Variants in CAMK2A observed in about 807,000 individuals in gnomAD.
CAMK2A encodes the protein calcium/calmodulin-dependent protein kinase type II subunit alpha.
Under a neutral mutation model 79.2 loss-of-function variants are expected in CAMK2A, and 7 were observed. The ratio of observed to expected loss-of-function variants is 0.09; its 90% CI spans 0.05 to 0.17. The LOEUF is 0.17. Among genes scored for constraint, CAMK2A ranks in the 10% least tolerant of loss-of-function variants. The probability of loss-of-function intolerance (pLI) is 1.00; values close to 1 mark genes in which losing one functional copy is unlikely to be tolerated. For missense variants in CAMK2A, 214 were observed against 646.4 expected, an observed-to-expected ratio of 0.33 and a Z score of 7.25; for synonymous variants, 242 against 251.7, an observed-to-expected ratio of 0.96 and a Z score of 0.36.
intron 2 of CAMK2A, among the ~76,000 whole-genome samples, chr5:150,272,396 C>T (rs987286614): frequency 3.9e-5 from 6 of 152,098 alleles, no homozygotes; most frequent in African/African-American, 1.4e-4. Context: ...GAAACCCCAT[C>T]GCTACTAAAA....
intron 1 of CAMK2A, among the ~76,000 whole-genome samples, chr5:150,283,278 T>C (rs1757289889): frequency 6.6e-6 from 1 of 152,160 alleles, no homozygotes; most frequent in Non-Finnish European, 1.5e-5. Context: ...TCCACTGAAA[T>C]ACATACCTCA....
rs1043310613 is a variant in CAMK2A at position 150,284,846 on chromosome 5, A to G, written c.62+4718T>C. ...TCTATGCAATGAGCAGAGCATCTCC[A>G]TGGTCCTTACAATTCTGATGTTCCG... On this transcript the variant is annotated intron_variant, in intron 1 of 18. Transcript: ENST00000671881. This position sits in a 1 kb window ranked among gnomAD's most constrained non-coding sequence, Gnocchi z 5.3. Among the ~76,000 whole-genome samples the G allele has an allele frequency of 1.3e-5, 2 of 152,030 alleles. No homozygotes were observed. The highest frequency in any genetic ancestry group is 4.8e-5 in the African/African-American group (2 of 41,370).
At chr5:150,245,321 C>T in intron 12 of CAMK2A, 120 bp from the exon 13 acceptor site, 1 of 849,534 alleles carries the variant, frequency 1.2e-6, no homozygotes, top group Non-Finnish European at 1.9e-6. Context: ...AGAGCTGGCC[C>T]AGCGATCCTG....
rs771817968 is a variant in CAMK2A at position 150,239,747 on chromosome 5, AAGG to A, written c.985-14_985-12del. The A allele has an allele frequency of 2.4e-5, 38 of 1,612,952 alleles. No homozygotes were observed. Among genetic ancestry groups the A allele is most frequent in the Admixed American group, 3.3e-5 (2 of 60,004 alleles). ...ACTGGACTTTCTTTTCTGGAAAAAC[AAGG>A]AGAAGAGATGGGACAGGAAAAGACA... On this transcript the variant is annotated splice_polypyrimidine_tract_variant and intron_variant, in intron 13 of 18. Transcript: ENST00000671881.
intron 1 of CAMK2A, among the ~76,000 whole-genome samples, chr5:150,273,790 C>G (rs989421401): frequency 4.6e-5 from 7 of 152,162 alleles, no homozygotes; most frequent in African/African-American, 1.7e-4. Flanking sequence ...TATGGCTGTC[C>G]GATCCTTTAT....
intron 12 of CAMK2A, 67 bp from the exon 13 acceptor site, chr5:150,245,268 C>T (rs954824204): frequency 1.6e-5 from 24 of 1,507,590 alleles, no homozygotes; most frequent in East Asian, 2.3e-5. Context: ...AGGGCGAGGA[C>T]GAGCAGCATC....
intron 15 of CAMK2A, among the ~76,000 whole-genome samples, chr5:150,233,956 G>A (rs1008576932): frequency 1.1e-4 from 17 of 152,282 alleles, no homozygotes; most frequent in African/African-American, 4.1e-4. Context: ...GGGATTACAG[G>A]CATGCACCAC....
chr5:150,264,818 C>T (rs1407395994), intron 3 of CAMK2A, 138 bp downstream of exon 3: 10 of 681,212 alleles, frequency 1.5e-5, no homozygotes, highest in Non-Finnish European at 2.7e-5. Context: ...AAAGACGCCC[C>T]CTTTCCCATC....
chr5:150,256,857 C>T lies in CAMK2A; in HGVS notation c.273-26G>A. The T allele has an allele frequency of 6.2e-7, 1 of 1,602,400 alleles. No individual in the cohort carries two copies. Among genetic ancestry groups the T allele is most frequent in the African/African-American group, 1.3e-5 (1 of 74,746 alleles). ...CTGGGGAGACAGGCATGGAATCACC[C>T]TCTAATAGAGGCGACAGGTGCTGCC... On this transcript the variant is annotated intron_variant, in intron 4 of 18. Transcript: ENST00000671881. The surrounding 1 kb of genome is among the most constrained non-coding windows in gnomAD (Gnocchi z 4.6).
intron 1 of CAMK2A, among the ~76,000 whole-genome samples, chr5:150,285,734 G>C (rs930848437): frequency 5.3e-5 from 8 of 152,140 alleles, no homozygotes; most frequent in Non-Finnish European, 7.4e-5. Context: ...AGAGAGAAAA[G>C]AGTGGGCTGA....
rs1754194237 is a variant in CAMK2A at position 150,219,582 on chromosome 5, C to A, written c.*3128G>T. On this transcript the variant is annotated 3_prime_UTR_variant, in exon 19 of 19. Transcript: ENST00000671881. Reference sequence around the variant, plus strand: ...CCATCCCACCCGCCCCCCCCAATAGCAGAAAGTTTGAGCAGTGTTCATTCA... The same window carrying A: ...CCATCCCACCCGCCCCCCCCAATAGAAGAAAGTTTGAGCAGTGTTCATTCA... 2 of 100,700 alleles carry A rather than the reference C, an allele frequency of 2.0e-5. No individual in the cohort carries two copies. The highest frequency in any genetic ancestry group is 1.3e-4 in the Admixed American group (1 of 7,540). The allele number at this position is 100,700 out of a possible 1,614,324, so 6.2% of individuals were successfully genotyped here. A position where few individuals can be genotyped will look rare whatever the true frequency, so the allele number is the denominator to read the frequency against.
At chr5:150,245,050 G>T in intron 13 of CAMK2A, 111 bp downstream of exon 13, 1 of 1,096,712 alleles carries the variant, frequency 9.1e-7, no homozygotes, top group Non-Finnish European at 1.4e-6. Flanking sequence ...GCCCACGTCT[G>T]CCCAGGACAC....
chr5:150,225,310 T>C (rs933101872), intron 17 of CAMK2A, among the ~76,000 whole-genome samples: 1 of 151,936 alleles, frequency 6.6e-6, no homozygotes, highest in East Asian at 1.9e-4. Flanking sequence ...GCTTCCAATA[T>C]CTACCCCTGT....
At chr5:150,249,904 A>G (rs1308552925) in intron 11 of CAMK2A, among the ~76,000 whole-genome samples, 1 of 152,140 alleles carries the variant, frequency 6.6e-6, no homozygotes, top group Non-Finnish European at 1.5e-5. Flanking sequence ...CCAAGGTCTC[A>G]GCTTAAACGC....
intron 6 of CAMK2A, among the ~76,000 whole-genome samples, chr5:150,254,897 G>A (rs1258266347): frequency 1.3e-5 from 2 of 152,110 alleles, no homozygotes; most frequent in African/African-American, 4.8e-5. Context: ...GCTTGGGGAG[G>A]GGCTCAGAGT....
In CAMK2A at chr5:150,245,632, G is replaced by A. The variant is rs542615185; in HGVS notation, c.944-431C>T. ...TCTAATTTTAGCCCCATGCTGCTGC[G>A]GAGGTCATGTGTCAGCCCTGCCTAC... On this transcript the variant is annotated intron_variant, in intron 12 of 18. Coordinates refer to ENST00000671881, the MANE Select transcript of CAMK2A (RefSeq NM_015981.4). Among the ~76,000 whole-genome samples the A allele has an allele frequency of 1.1e-4, 16 of 152,324 alleles. No individual in the cohort carries two copies. The South Asian group carries it at 3.1e-3, about 30-fold the overall frequency.
At chr5:150,237,114 C>A (rs1755109103) in intron 15 of CAMK2A, among the ~76,000 whole-genome samples, 1 of 152,150 alleles carries the variant, frequency 6.6e-6, no homozygotes, top group Non-Finnish European at 1.5e-5. Flanking sequence ...GTACCCACCA[C>A]CGCCCAGGTT....
At chr5:150,267,203 T>A (rs1170319413) in intron 2 of CAMK2A, among the ~76,000 whole-genome samples, 4 of 152,130 alleles carry the variant, frequency 2.6e-5, no homozygotes, top group Non-Finnish European at 5.9e-5. Context: ...GGGATGCCCA[T>A]CCAGAGCTGA....
rs1351946698 is a variant in CAMK2A, at chr5:150,257,427, C to T, written c.272+136G>A. ...GTTTTAGGAAAGTCAGCTTGCACTG[C>T]TTGGGTGGCAGGCCCACCACATTTG... On this transcript the variant is annotated intron_variant, in intron 4 of 18. Coordinates refer to ENST00000671881, the MANE Select transcript of CAMK2A (RefSeq NM_015981.4). The T allele has an allele frequency of 1.5e-5, 11 of 720,064 alleles. No homozygotes were observed. The East Asian group carries it at 2.7e-4, about 18-fold the overall frequency. The allele number at this position is 720,064 out of a possible 1,614,324, so 44.6% of individuals were successfully genotyped here.
Sources: allele counts gnomAD v4.1 joint callset (sites outside exome capture counted in the v4.1 genomes callset), GRCh38; gene constraint gnomAD v4.1.1; non-coding constraint Gnocchi (gnomAD v3.1); transcripts MANE v1.5; gene names NCBI Gene and HGNC (gene_info 2026-07-23, HGNC 2026-07-21).